KIAA1217: variants seen among roughly 807,000 people sequenced by gnomAD.
KIAA1217 encodes the protein sickle tail protein homolog.
KIAA1217 carries 88 observed loss-of-function variants against 163.9 expected under a neutral mutation model. The observed-to-expected ratio is 0.54, with a 90% CI of 0.45 to 0.64. The LOEUF is 0.64. Ranked by LOEUF, KIAA1217 falls within the 30% of genes least tolerant of loss-of-function variation. KIAA1217 has a pLI of 0.00. For missense variants in KIAA1217, 2,372 were observed against 2,475.0 expected (o/e 0.96, Z 0.88); for synonymous variants, 903 against 923.1 (o/e 0.98, Z 0.39).
At chr10:24,519,960 G>A (rs1299302618) in intron 10 of KIAA1217, among the ~76,000 whole-genome samples, 163 bp from the exon 11 acceptor site, 1 of 151,960 alleles carries the variant, frequency 6.6e-6, no homozygotes, top group Non-Finnish European at 1.5e-5. Context: ...CCCAGCCACT[G>A]TTAAAAGATG....
chr10:24,518,548 G>A (rs527807616), intron 10 of KIAA1217, among the ~76,000 whole-genome samples: 2 of 152,346 alleles, frequency 1.3e-5, no homozygotes, highest in East Asian at 3.9e-4. Context: ...TGACAGACAT[G>A]TTGGTTGTTC....
At chr10:23,828,471 A>G (rs1411948295) in intron 1 of KIAA1217, among the ~76,000 whole-genome samples, 1 of 152,148 alleles carries the variant, frequency 6.6e-6, no homozygotes. Flanking sequence ...GTTTGGTTTT[A>G]TAACACCGTG....
chr10:24,284,860 G>C (rs1262711671), intron 2 of KIAA1217, among the ~76,000 whole-genome samples: 1 of 152,208 alleles, frequency 6.6e-6, no homozygotes, highest in Non-Finnish European at 1.5e-5. Context: ...CCGACCAACA[G>C]TATATGAGTG....
chr10:24,133,135 G>A (rs985890336), intron 2 of KIAA1217, among the ~76,000 whole-genome samples: 6 of 151,992 alleles, frequency 3.9e-5, no homozygotes, highest in Non-Finnish European at 8.8e-5. Flanking sequence ...CCTAGGGGCT[G>A]AGAAAGAAGC....
At chr10:23,744,217 C>T (rs749717421) in intron 1 of KIAA1217, among the ~76,000 whole-genome samples, 1 of 152,188 alleles carries the variant, frequency 6.6e-6, no homozygotes, top group Middle Eastern at 3.2e-3. Flanking sequence ...ATGTGAGCTA[C>T]TAGGTAGCCT....
chr10:23,907,662 G>A (rs768141737), intron 1 of KIAA1217, among the ~76,000 whole-genome samples: 4 of 152,024 alleles, frequency 2.6e-5, no homozygotes, highest in Admixed American at 6.5e-5. Context: ...GGCCCTCCAC[G>A]GGTTGGACGA....
At chr10:24,233,153 T>C (rs892744334) in intron 2 of KIAA1217, among the ~76,000 whole-genome samples, 1 of 151,624 alleles carries the variant, frequency 6.6e-6, no homozygotes, top group Non-Finnish European at 1.5e-5. Context: ...AAATAAAAAG[T>C]ACAAAACCCA....
chr10:24,136,596 A>G (rs2063840950), intron 2 of KIAA1217, among the ~76,000 whole-genome samples: 1 of 152,178 alleles, frequency 6.6e-6, no homozygotes, highest in Non-Finnish European at 1.5e-5. Context: ...TGATGATCCC[A>G]CCTTTGCTGA....
At chr10:24,529,311 T>C (rs1437503655) in intron 14 of KIAA1217, among the ~76,000 whole-genome samples, 3 of 152,158 alleles carry the variant, frequency 2.0e-5, no homozygotes, top group African/African-American at 7.2e-5. Context: ...CCATATACTT[T>C]ACGGGCCAGA....
intron 1 of KIAA1217, among the ~76,000 whole-genome samples, chr10:23,732,374 A>G (rs78879103): frequency 0.013 from 2,032 of 152,310 alleles, 39 homozygotes; most frequent in African/African-American, 0.043. Flanking sequence ...CAAAAACAAA[A>G]ATTAATACAA....
At chr10:23,760,479 G>A (rs1298187605) in intron 1 of KIAA1217, among the ~76,000 whole-genome samples, 1 of 152,228 alleles carries the variant, frequency 6.6e-6, no homozygotes, top group Non-Finnish European at 1.5e-5. Context: ...AAGCAAAGCA[G>A]GAGGGACTGG....
intron 2 of KIAA1217, among the ~76,000 whole-genome samples, chr10:24,308,094 C>T (rs998103287): frequency 3.3e-5 from 5 of 152,186 alleles, no homozygotes; most frequent in African/African-American, 9.7e-5. Context: ...TTTGTTCTTA[C>T]GTGTAACAAT....
chr10:24,474,738 C>T (rs1213808519), intron 6 of KIAA1217, among the ~76,000 whole-genome samples: 1 of 152,158 alleles, frequency 6.6e-6, no homozygotes, highest in East Asian at 1.9e-4. Flanking sequence ...CCTACTCTAT[C>T]TTGAAAACCT....
intron 8 of KIAA1217, among the ~76,000 whole-genome samples, chr10:24,495,579 C>T (rs2133814944): frequency 6.6e-6 from 1 of 152,242 alleles, no homozygotes; most frequent in East Asian, 1.9e-4. Flanking sequence ...TAGCCTATAC[C>T]AAGGGCAGTC....
At chr10:24,501,897 C>T (rs1453788784) in intron 9 of KIAA1217, among the ~76,000 whole-genome samples, 2 of 151,632 alleles carry the variant, frequency 1.3e-5, no homozygotes, top group Admixed American at 6.6e-5. Context: ...TACAGGCGCC[C>T]GCCACCACGC....
chr10:24,151,986 T>C (rs1589690798), intron 2 of KIAA1217, among the ~76,000 whole-genome samples: 2 of 152,286 alleles, frequency 1.3e-5, no homozygotes, highest in Middle Eastern at 6.8e-3. Context: ...AAGGTAAGTT[T>C]CTTGTTGTTA....
intron 2 of KIAA1217, among the ~76,000 whole-genome samples, chr10:24,186,575 T>A (rs2066439107): frequency 6.6e-6 from 1 of 152,206 alleles, no homozygotes; most frequent in African/African-American, 2.4e-5. Flanking sequence ...AAGGGGGATC[T>A]TTGTTGTATC....
rs182508188 is a variant in KIAA1217, at chr10:24,182,449, C to T, written c.-170-37177C>T. On this transcript the variant is annotated intron_variant, in intron 2 of 18. Coordinates refer to the KIAA1217 transcript ENST00000376462. ...AGAGCAAGACTCCATCACACACACA[C>T]ACACACACACACACACACACACAGA... 1.9e-3 allele frequency among the ~76,000 whole-genome samples: 288 copies of T among 151,778 alleles called. 1 individual carries two copies. Among genetic ancestry groups the T allele is most frequent in the Non-Finnish European group, 3.6e-3 (242 of 67,872 alleles).
intron 2 of KIAA1217, among the ~76,000 whole-genome samples, chr10:24,028,759 T>C (rs538216706): frequency 5.9e-4 from 90 of 152,200 alleles, no homozygotes; most frequent in Non-Finnish European, 1.1e-3. Context: ...TTTAAATTTT[T>C]TATTTCAAAA....
Sources: allele counts gnomAD v4.1 joint callset (sites outside exome capture counted in the v4.1 genomes callset), GRCh38; gene constraint gnomAD v4.1.1; transcripts MANE v1.5; gene names NCBI Gene and HGNC (gene_info 2026-07-23, HGNC 2026-07-21).